Variants in ADCK1 observed in about 807,000 individuals in gnomAD.
The protein encoded by ADCK1 is aarF domain containing kinase 1.
In ADCK1, 41 loss-of-function variants were observed where a neutral mutation model predicts 52.3. The observed-to-expected ratio is 0.78, with a 90% CI of 0.61 to 1.02. The LOEUF is 1.02. ADCK1 is among the 50% of genes least tolerant of loss of function. ADCK1 has a pLI of 0.00. For synonymous variants in ADCK1, 250 were observed against 274.6 expected (o/e 0.91, Z 0.89); for missense variants, 658 against 679.5 (o/e 0.97, Z 0.35).
Position 77,894,736 on chromosome 14 carries a change from G to GTTTTTTTTTTTTTTTTT in ADCK1, c.583-4352_583-4336dup. The stretch of plus-strand genomic sequence containing the variant: ...TTATTTCTTTTTCTTTTCTTTTCTT[G>GTTTTTTTTTTTTTTTTT]TTTTTTTTTTTTTTTTTTTTTTTTT... On this transcript the variant is annotated intron_variant, in intron 5 of 10. Transcript: ENST00000238561. Among the ~76,000 whole-genome samples the GTTTTTTTTTTTTTTTTT allele has an allele frequency of 1.3e-3, 46 of 36,478 alleles. 11 individuals are homozygous for GTTTTTTTTTTTTTTTTT. Among genetic ancestry groups the GTTTTTTTTTTTTTTTTT allele is most frequent in the Admixed American group, 2.8e-3 (6 of 2,126 alleles). The allele number at this position is 36,478 out of a possible 152,430, so 23.9% of individuals were successfully genotyped here. A position where few individuals can be genotyped will look rare whatever the true frequency, so the allele number is the denominator to read the frequency against.
chr14:77,924,121 G>A (rs2084126653), intron 7 of ADCK1: 2 of 233,714 alleles, frequency 8.6e-6, no homozygotes, highest in Admixed American at 5.3e-5. Flanking sequence ...AAAAGGGTAT[G>A]GAGGAGAGAA....
intron 1 of ADCK1, among the ~76,000 whole-genome samples, chr14:77,810,034 T>C (rs1159264555): frequency 1.1e-5 from 1 of 88,368 alleles, no homozygotes; most frequent in African/African-American, 3.5e-5. Context: ...TGAGACTCTG[T>C]CTCAAAAAAA....
intron 4 of ADCK1, among the ~76,000 whole-genome samples, chr14:77,870,536 C>A (rs1244565178): frequency 6.6e-6 from 1 of 152,104 alleles, no homozygotes; most frequent in Non-Finnish European, 1.5e-5. Flanking sequence ...AAAGGAGGGG[C>A]CCTGCGAGGA....
chr14:77,832,197 C>G (rs1021141502), intron 3 of ADCK1, among the ~76,000 whole-genome samples: 2 of 152,104 alleles, frequency 1.3e-5, no homozygotes, highest in African/African-American at 4.8e-5. Flanking sequence ...AGGCTGGTCT[C>G]GAACTCCTGA....
At chr14:77,898,904 C>T (rs73313149) in intron 5 of ADCK1, among the ~76,000 whole-genome samples, 196 bp from the exon 6 acceptor site, 2,111 of 152,304 alleles carry the variant, frequency 0.014, 43 homozygotes, top group African/African-American at 0.048. Flanking sequence ...GGGCTATCAT[C>T]ATCTTGGACT....
At chr14:77,860,353 TG>T (rs2082517211) in intron 4 of ADCK1, among the ~76,000 whole-genome samples, 1 of 152,224 alleles carries the variant, frequency 6.6e-6, no homozygotes, top group Non-Finnish European at 1.5e-5. Flanking sequence ...GAAATAGTGT[TG>T]TTAGGCTACT....
intron 4 of ADCK1, among the ~76,000 whole-genome samples, chr14:77,872,835 C>T (rs2082814471): frequency 6.6e-6 from 1 of 152,074 alleles, no homozygotes; most frequent in Admixed American, 6.6e-5. Context: ...CCACCACGCC[C>T]AGCTAATTCT....
At position 77,871,155 on chromosome 14, in the gene ADCK1, C is replaced by T. The variant is rs1348119127; in HGVS notation, c.423+11876C>T. 2.0e-5 allele frequency among the ~76,000 whole-genome samples: 3 copies of T among 152,190 alleles called. 1 individual carries two copies. Among genetic ancestry groups the T allele is most frequent in the African/African-American group, 7.2e-5 (3 of 41,446 alleles). ...TGAGTAAAAGTGATGTTGTGGGATGCTCAGATGTTGCCAGTAGGGAAGTGG... is the reference window on the plus strand; with the variant it reads ...TGAGTAAAAGTGATGTTGTGGGATGTTCAGATGTTGCCAGTAGGGAAGTGG... On this transcript the variant is annotated intron_variant, in intron 4 of 10. Transcript: ENST00000238561.
intron 1 of ADCK1, among the ~76,000 whole-genome samples, chr14:77,802,086 T>C (rs991435648): frequency 1.3e-5 from 2 of 152,084 alleles, no homozygotes; most frequent in African/African-American, 4.8e-5. Context: ...TGTGCACTTT[T>C]TGCTCTCTTG....
intron 3 of ADCK1, among the ~76,000 whole-genome samples, chr14:77,842,850 G>A (rs1314112828): frequency 1.3e-5 from 2 of 150,522 alleles, no homozygotes; most frequent in African/African-American, 4.9e-5. Context: ...GTGCCTGGTC[G>A]AGGGTATTTT....
At chr14:77,814,392 G>C (rs1487832169) in intron 1 of ADCK1, among the ~76,000 whole-genome samples, 1 of 147,054 alleles carries the variant, frequency 6.8e-6, no homozygotes, top group Admixed American at 6.8e-5. Flanking sequence ...TTTTTTTTCT[G>C]ACCCATTGGT....
intron 6 of ADCK1, among the ~76,000 whole-genome samples, chr14:77,906,272 G>T (rs1368230638): frequency 6.6e-6 from 1 of 152,164 alleles, no homozygotes; most frequent in Non-Finnish European, 1.5e-5. Context: ...CAAAACATTT[G>T]AAAAAGCTGC....
At chr14:77,893,985 G>A (rs759277302) in intron 5 of ADCK1, among the ~76,000 whole-genome samples, 4 of 151,962 alleles carry the variant, frequency 2.6e-5, no homozygotes, top group Non-Finnish European at 5.9e-5. Flanking sequence ...TGTCTGCCTC[G>A]GCCTCCCAAA....
intron 7 of ADCK1, among the ~76,000 whole-genome samples, chr14:77,921,090 G>T (rs1407400235): frequency 2.6e-5 from 4 of 151,708 alleles, no homozygotes; most frequent in Non-Finnish European, 5.9e-5. Context: ...ACTTTGGGAG[G>T]CCGAGGAGGG....
At chr14:77,806,849 G>T (rs1468445520) in intron 1 of ADCK1, among the ~76,000 whole-genome samples, 1 of 151,928 alleles carries the variant, frequency 6.6e-6, no homozygotes, top group Non-Finnish European at 1.5e-5. Flanking sequence ...TGAGTAGCTG[G>T]GACTACAGGT....
Position 77,931,612 on chromosome 14 carries a change from C to G in ADCK1, c.1301C>G (p.Thr434Ser). Residue 434 changes from threonine (T) to serine (S), a missense_variant, in exon 10 of 11, where the codon ACC becomes AGC. Thr to Ser is a moderately conservative substitution (Grantham distance 58). Coordinates refer to ENST00000238561, the MANE Select transcript of ADCK1 (RefSeq NM_020421.4). ...VPRQMLLILK[T>S]NDLLRGIEAA... Reference sequence around the variant, plus strand: ...CGCCAGATGCTGCTCATCTTGAAGACCAACGACCTGCTGCGTGGCATTGAG... The same window carrying G: ...CGCCAGATGCTGCTCATCTTGAAGAGCAACGACCTGCTGCGTGGCATTGAG... 1.2e-6 allele frequency: 2 copies of G among 1,613,600 alleles called. No homozygotes were observed. Among genetic ancestry groups the G allele is most frequent in the South Asian group, 1.1e-5 (1 of 91,090 alleles).
intron 7 of ADCK1, among the ~76,000 whole-genome samples, chr14:77,911,737 T>C (rs1029151522): frequency 1.3e-5 from 2 of 151,968 alleles, no homozygotes; most frequent in African/African-American, 4.8e-5. Flanking sequence ...GCTTTCTTTT[T>C]TTTTTTTTTT....
rs996227424 is a variant in ADCK1, at chr14:77,827,194, A to G, written c.219+4676A>G. Among the ~76,000 whole-genome samples the G allele has an allele frequency of 1.6e-4, 24 of 151,572 alleles. 1 individual carries two copies. Among genetic ancestry groups the G allele is most frequent in the Admixed American group, 1.2e-3 (19 of 15,260 alleles). On this transcript the variant is annotated intron_variant, in intron 3 of 10. Transcript: ENST00000238561. ...TGGTGAAACCCTGTCTCTACTAAAA[A>G]TACAAAAATTAGCTGGGCGTGGTGG... is the stretch of plus-strand genomic sequence containing the variant.
At chr14:77,817,831 G>T (rs1177776220) in intron 1 of ADCK1, among the ~76,000 whole-genome samples, 7 of 151,956 alleles carry the variant, frequency 4.6e-5, no homozygotes, top group Non-Finnish European at 1.0e-4. Context: ...CGCCTTCCGG[G>T]TTCACGCCAT....
Sources: allele counts gnomAD v4.1 joint callset (sites outside exome capture counted in the v4.1 genomes callset), GRCh38; gene constraint gnomAD v4.1.1; transcripts MANE v1.5; gene names NCBI Gene and HGNC (gene_info 2026-07-23, HGNC 2026-07-21).